The following INPP4B variants were observed in gnomAD, a reference collection of about 807,000 sequenced individuals.
INPP4B encodes inositol polyphosphate-4-phosphatase type II B, also known as inositol polyphosphate 4-phosphatase type II.
In INPP4B, 55 loss-of-function variants were observed where a neutral mutation model predicts 122.5. The observed-to-expected ratio is 0.45, with a 90% CI of 0.36 to 0.56. The LOEUF is 0.56. Among genes scored for constraint, INPP4B ranks in the 20% least tolerant of loss-of-function variants. INPP4B has a pLI of 0.00. For missense variants in INPP4B, 1,000 were observed against 1,097.7 expected (o/e 0.91, Z 1.26); for synonymous variants, 403 against 388.7 (o/e 1.04, Z -0.43).
intron 2 of INPP4B, among the ~76,000 whole-genome samples, chr4:142,555,250 A>G (rs1728889504): frequency 6.6e-6 from 1 of 152,214 alleles, no homozygotes; most frequent in African/African-American, 2.4e-5. Context: ...GGACTTCTAC[A>G]GGTCACTCGG....
At chr4:142,748,746 A>G (rs1580828105) in intron 1 of INPP4B, among the ~76,000 whole-genome samples, 1 of 152,176 alleles carries the variant, frequency 6.6e-6, no homozygotes, top group African/African-American at 2.4e-5. Flanking sequence ...TTTCCCACTG[A>G]GAAAGAAGGC....
chr4:142,156,251 G>A lies in INPP4B; in HGVS notation c.1563+4107C>T, dbSNP rs1200775214. On this transcript the variant is annotated intron_variant, in intron 17 of 25. Coordinates refer to ENST00000262992, the MANE Select transcript of INPP4B (RefSeq NM_001101669.3). ...TTTTTAACAATTGATTTGAATAGAA[G>A]TAGGCAGATTTAGCCCTTAACCTAT... 2.6e-5 allele frequency among the ~76,000 whole-genome samples: 4 copies of A among 151,952 alleles called. No individual in the cohort carries two copies. The East Asian group carries it at 7.7e-4, about 29-fold the overall frequency.
chr4:142,194,727 G>A (rs955077745), intron 14 of INPP4B, among the ~76,000 whole-genome samples: 3 of 152,196 alleles, frequency 2.0e-5, no homozygotes, highest in African/African-American at 7.2e-5. Context: ...TTAAGTTACT[G>A]ATGGGAACCT....
At chr4:142,623,485 A>T (rs1242841084) in intron 2 of INPP4B, among the ~76,000 whole-genome samples, 4 of 152,006 alleles carry the variant, frequency 2.6e-5, no homozygotes, top group East Asian at 3.9e-4. Flanking sequence ...TAAAACAGGG[A>T]TCCATGGTGA....
chr4:142,208,826 TA>T (rs1465816935), intron 13 of INPP4B, 69 bp downstream of exon 13: 6 of 1,147,992 alleles, frequency 5.2e-6, no homozygotes, highest in Admixed American at 5.2e-5. Flanking sequence ...ATCTATTTAT[TA>T]TTTTTTTTTT....
intron 9 of INPP4B, among the ~76,000 whole-genome samples, chr4:142,286,240 T>C (rs750634063): frequency 5.3e-5 from 8 of 152,232 alleles, no homozygotes; most frequent in Non-Finnish European, 1.2e-4. Flanking sequence ...GCCATCTACT[T>C]TCTTCTATGA....
intron 15 of INPP4B, among the ~76,000 whole-genome samples, chr4:142,182,561 AAAC>A (rs753250580): frequency 0.61 from 61,208 of 99,752 alleles, 22,886 homozygotes; most frequent in Non-Finnish European, 0.76. Context: ...AAAAAAAAAC[AAAC>A]AAAAAAAAGA....
intron 17 of INPP4B, among the ~76,000 whole-genome samples, chr4:142,155,735 A>G (rs1328460374): frequency 6.6e-6 from 1 of 152,076 alleles, no homozygotes; most frequent in East Asian, 1.9e-4. Context: ...ATAGTACAAA[A>G]TGAACTGTAT....
chr4:142,074,219 C>A (rs757370607), intron 25 of INPP4B, among the ~76,000 whole-genome samples: 1 of 152,094 alleles, frequency 6.6e-6, no homozygotes, highest in Admixed American at 6.6e-5. Context: ...ATGCTGGAAA[C>A]CTTTCATAAT....
At chr4:142,516,793 T>C (rs1219775468) in intron 2 of INPP4B, among the ~76,000 whole-genome samples, 1 of 151,836 alleles carries the variant, frequency 6.6e-6, no homozygotes, top group Non-Finnish European at 1.5e-5. Context: ...GTCAGGTTAC[T>C]ACTGGTTGGC....
intron 2 of INPP4B, among the ~76,000 whole-genome samples, chr4:142,680,640 T>A (rs962931012): frequency 6.6e-6 from 1 of 151,936 alleles, no homozygotes; most frequent in African/African-American, 2.4e-5. Context: ...TGGAAGTCAC[T>A]TTTTTAAAAA....
At chr4:142,620,615 A>T (rs1488317160) in intron 2 of INPP4B, among the ~76,000 whole-genome samples, 2 of 152,004 alleles carry the variant, frequency 1.3e-5, no homozygotes, top group Non-Finnish European at 2.9e-5. Flanking sequence ...CATGCAATTT[A>T]TCTGCAGAAC....
intron 7 of INPP4B, among the ~76,000 whole-genome samples, chr4:142,348,311 C>A (rs1780912222): frequency 6.6e-6 from 1 of 151,968 alleles, no homozygotes; most frequent in Admixed American, 6.6e-5. Flanking sequence ...AATGCAGTGA[C>A]CTTTGCCATT....
At chr4:142,035,456 T>A (rs941847662) in intron 25 of INPP4B, among the ~76,000 whole-genome samples, 3 of 152,178 alleles carry the variant, frequency 2.0e-5, no homozygotes, top group Non-Finnish European at 2.9e-5. Flanking sequence ...TAGATAAAGA[T>A]ACTATTCACC....
At chr4:142,495,927 C>T (rs1822499562) in intron 2 of INPP4B, among the ~76,000 whole-genome samples, 2 of 152,234 alleles carry the variant, frequency 1.3e-5, no homozygotes, top group African/African-American at 4.8e-5. Context: ...CCCATATAGG[C>T]AAATGCCCCA....
At chr4:142,677,361 G>A (rs531892747) in intron 2 of INPP4B, among the ~76,000 whole-genome samples, 1 of 152,230 alleles carries the variant, frequency 6.6e-6, no homozygotes, top group South Asian at 2.1e-4. Flanking sequence ...TGGAGAGGGT[G>A]GGGAGAAATA....
At chr4:142,412,236 TA>T (rs996145568) in intron 5 of INPP4B, among the ~76,000 whole-genome samples, 2 of 152,198 alleles carry the variant, frequency 1.3e-5, no homozygotes, top group Non-Finnish European at 1.5e-5. Context: ...AATCAGTTTA[TA>T]TCATACATTA....
At chr4:142,215,398 G>A (rs955704205) in intron 12 of INPP4B, among the ~76,000 whole-genome samples, 1 of 152,172 alleles carries the variant, frequency 6.6e-6, no homozygotes. Flanking sequence ...TTGATTTACA[G>A]AATTACATTT....
intron 3 of INPP4B, among the ~76,000 whole-genome samples, chr4:142,458,351 T>C (rs1298951765): frequency 6.6e-6 from 1 of 152,078 alleles, no homozygotes; most frequent in Non-Finnish European, 1.5e-5. Flanking sequence ...TTGATTGTAG[T>C]GGTGGCTGCG....
Sources: allele counts gnomAD v4.1 joint callset (sites outside exome capture counted in the v4.1 genomes callset), GRCh38; gene constraint gnomAD v4.1.1; transcripts MANE v1.5; gene names NCBI Gene and HGNC (gene_info 2026-07-23, HGNC 2026-07-21).